GABPA: variants seen among roughly 807,000 people sequenced by gnomAD.
GABPA encodes the protein GA binding protein transcription factor subunit alpha, also known as GA-binding protein alpha chain.
In GABPA, 4 loss-of-function variants were observed where a neutral mutation model predicts 59.4. The observed-to-expected ratio is 0.07, with a 90% CI of 0.03 to 0.15. The LOEUF (loss-of-function observed/expected upper bound fraction) is 0.15, where lower values mean the gene tolerates loss of function less well. GABPA is among the 10% of genes least tolerant of loss of function. The pLI is 1.00. For synonymous variants in GABPA, 164 were observed against 183.1 expected, an observed-to-expected ratio of 0.90 and a Z score of 0.84; for missense variants, 251 against 543.8, an observed-to-expected ratio of 0.46 and a Z score of 5.36.
intron 2 of GABPA, among the ~76,000 whole-genome samples, chr21:25,744,868 T>G (rs71649673): frequency 5.3e-4 from 80 of 152,336 alleles, no homozygotes; most frequent in East Asian, 9.6e-4. Context: ...TCTTCCTTTC[T>G]GGGTCTAAAA....
At chr21:25,741,363 G>T (rs915968159) in intron 1 of GABPA, among the ~76,000 whole-genome samples, 4 of 151,758 alleles carry the variant, frequency 2.6e-5, no homozygotes, top group Non-Finnish European at 4.4e-5. Flanking sequence ...CAAACTCCTG[G>T]GCTCAAGCAA....
At chr21:25,747,219 A>C (rs1392247356) in intron 3 of GABPA, among the ~76,000 whole-genome samples, 4 of 152,256 alleles carry the variant, frequency 2.6e-5, no homozygotes, top group Admixed American at 6.5e-5. Flanking sequence ...TTAAAGGTTT[A>C]TAGTGAATAT....
chr21:25,736,224 C>G (rs976546989), intron 1 of GABPA, among the ~76,000 whole-genome samples: 15 of 152,048 alleles, frequency 9.9e-5, no homozygotes, highest in Admixed American at 9.8e-4. Context: ...GGTTAGCGGA[C>G]CGAGAGGACA....
chr21:25,741,491 A>C (rs1367574013), intron 1 of GABPA, 82 bp from the exon 2 acceptor site: 1 of 579,504 alleles, frequency 1.7e-6, no homozygotes, highest in Non-Finnish European at 2.9e-6. Context: ...TTTGCTTTTT[A>C]TTTGGATTGG....
intron 8 of GABPA, 66 bp downstream of exon 8, chr21:25,764,416 T>A: frequency 6.7e-7 from 1 of 1,483,906 alleles, no homozygotes; most frequent in Non-Finnish European, 9.1e-7. Context: ...TGTTGTATTT[T>A]ACTGTATGAA....
At chr21:25,737,974 G>C (rs868340809) in intron 1 of GABPA, among the ~76,000 whole-genome samples, 1 of 152,102 alleles carries the variant, frequency 6.6e-6, no homozygotes, top group African/African-American at 2.4e-5. Context: ...TAGACACTTG[G>C]ATTGGCACCA....
At chr21:25,738,162 G>A (rs2035128835) in intron 1 of GABPA, among the ~76,000 whole-genome samples, 1 of 152,166 alleles carries the variant, frequency 6.6e-6, no homozygotes, top group Admixed American at 6.5e-5. Flanking sequence ...AGAGATAGGG[G>A]AATCTTATGT....
At chr21:25,757,919 C>A in intron 5 of GABPA, 91 bp from the exon 6 acceptor site, 9 of 305,798 alleles carry the variant, frequency 2.9e-5, no homozygotes, top group East Asian at 6.7e-5. Context: ...AAGAAAACAT[C>A]TGTGTGTATG....
intron 1 of GABPA, 132 bp from the exon 2 acceptor site, chr21:25,741,441 T>G (rs1372668037): frequency 1.7e-5 from 7 of 413,136 alleles, no homozygotes; most frequent in Non-Finnish European, 3.1e-5. Flanking sequence ...GCTGATTTTC[T>G]TCTATATGTA....
intron 5 of GABPA, among the ~76,000 whole-genome samples, chr21:25,754,374 G>A (rs1399039088): frequency 6.6e-6 from 1 of 152,016 alleles, no homozygotes; most frequent in Non-Finnish European, 1.5e-5. Flanking sequence ...AAATACCTGT[G>A]TTCTTTTTGC....
intron 7 of GABPA, among the ~76,000 whole-genome samples, 198 bp from the exon 8 acceptor site, chr21:25,764,012 T>C (rs1235092077): frequency 6.6e-6 from 1 of 152,222 alleles, no homozygotes; most frequent in East Asian, 1.9e-4. Context: ...GCACAAACTA[T>C]AATGCAAGCG....
At chr21:25,768,920 C>G in intron 9 of GABPA, 84 bp from the exon 10 acceptor site, 2 of 849,214 alleles carry the variant, frequency 2.4e-6, no homozygotes, top group East Asian at 2.5e-5. Context: ...CTCTACTAGG[C>G]TTCTGCTTAT....
At position 25,752,305 on chromosome 21, in the gene GABPA, A is replaced by C. The variant is rs2035532835; in HGVS notation, c.553+71A>C. On this transcript the variant is annotated intron_variant, in intron 5 of 9. Coordinates refer to ENST00000400075, the MANE Select transcript of GABPA (RefSeq NM_002040.4). The stretch of plus-strand genomic sequence containing the variant: ...AGCTTGACATAGAAGACACTAGGGT[A>C]AGTTATAATCTATTTTACATGTAGA... 6.3e-6 allele frequency: 9 copies of C among 1,432,858 alleles called. No homozygotes were observed. The South Asian group carries it at 1.1e-4, about 18-fold the overall frequency. 88.8% of individuals were successfully genotyped at this position (1,432,858 alleles called of 1,614,324 possible).
chr21:25,743,362 G>A (rs13046078), intron 2 of GABPA, among the ~76,000 whole-genome samples: 44,585 of 152,034 alleles, frequency 0.29, 8,606 homozygotes, highest in African/African-American at 0.55. Context: ...AAGAATCATT[G>A]GCAGCCCTCT....
intron 7 of GABPA, chr21:25,763,082 GTC>G: frequency 2.3e-6 from 1 of 436,416 alleles, no homozygotes; most frequent in Admixed American, 2.9e-5. Flanking sequence ...GTCTAGAAGA[GTC>G]TTTTTGTTTC....
rs1245318997 is a variant in GABPA at position 25,750,828 on chromosome 21, A to G, written c.308-1161A>G. On this transcript the variant is annotated intron_variant, in intron 4 of 9. Coordinates refer to ENST00000400075, the MANE Select transcript of GABPA (RefSeq NM_002040.4). ...GTTTAAGAAGAGTTCGCTTAAAGCC[A>G]TTAAAGTATGAAATCTAGATGAAGG... is the stretch of plus-strand genomic sequence containing the variant. Among the ~76,000 whole-genome samples, 6 of 152,194 alleles carry G rather than the reference A, an allele frequency of 3.9e-5. No homozygotes were observed. In the East Asian group the frequency reaches 1.2e-3, roughly 29 times the overall value.
intron 7 of GABPA, chr21:25,763,380 G>A (rs900689315): frequency 2.9e-5 from 6 of 206,600 alleles, no homozygotes; most frequent in Middle Eastern, 3.9e-3. Context: ...CATCCCAACC[G>A]GCTAAAATTT....
chr21:25,760,125 G>A (rs1601143268), intron 6 of GABPA, among the ~76,000 whole-genome samples: 1 of 152,106 alleles, frequency 6.6e-6, no homozygotes, highest in Non-Finnish European at 1.5e-5. Context: ...AGTGTCTCAC[G>A]GAATTTCTTG....
chr21:25,742,438 G>A (rs1292668236), intron 2 of GABPA, among the ~76,000 whole-genome samples: 2 of 152,188 alleles, frequency 1.3e-5, no homozygotes. Flanking sequence ...GATAATTAAG[G>A]TTAAGGAGGA....
Sources: gnomAD v4.1 joint callset for allele counts (sites outside exome capture counted in the v4.1 genomes callset) on GRCh38, gnomAD v4.1.1 for gene constraint, MANE v1.5 for transcripts, NCBI Gene and HGNC (gene_info 2026-07-23, HGNC 2026-07-21) for gene names.